Variants in ANAPC10 observed in about 807,000 individuals in gnomAD.
ANAPC10 encodes anaphase promoting complex subunit 10.
Under a neutral mutation model 22.0 loss-of-function variants are expected in ANAPC10, and 12 were observed. The ratio of observed to expected loss-of-function variants is 0.55; its 90% CI spans 0.35 to 0.88. ANAPC10 has a LOEUF of 0.88. Ranked by LOEUF, ANAPC10 falls within the 40% of genes least tolerant of loss-of-function variation. The probability of loss-of-function intolerance (pLI) is 0.01; values close to 1 mark genes in which losing one functional copy is unlikely to be tolerated. For synonymous variants in ANAPC10, 65 were observed against 69.5 expected, an observed-to-expected ratio of 0.94 and a Z score of 0.32; for missense variants, 188 against 220.9, an observed-to-expected ratio of 0.85 and a Z score of 0.94.
At chr4:145,002,103 A>G (rs1732665360) in intron 4 of ANAPC10, among the ~76,000 whole-genome samples, 1 of 152,188 alleles carries the variant, frequency 6.6e-6, no homozygotes, top group Non-Finnish European at 1.5e-5. Context: ...TCTGTGACTT[A>G]ATGAAATTCT....
intron 4 of ANAPC10, among the ~76,000 whole-genome samples, chr4:145,009,874 A>C (rs1174609437): frequency 6.6e-6 from 1 of 152,202 alleles, no homozygotes; most frequent in Non-Finnish European, 1.5e-5. Context: ...CTACCATCAG[A>C]GTGAAAAGGC....
intron 4 of ANAPC10, among the ~76,000 whole-genome samples, chr4:145,054,604 A>AGTGTGTGT (rs70956823): frequency 5.5e-4 from 70 of 128,320 alleles, no homozygotes; most frequent in African/African-American, 2.0e-3. Flanking sequence ...CATACTGAAT[A>AGTGTGTGT]GTGTGTGTGT....
At chr4:145,034,829 A>G (rs1413224002) in intron 4 of ANAPC10, among the ~76,000 whole-genome samples, 2 of 151,902 alleles carry the variant, frequency 1.3e-5, no homozygotes, top group East Asian at 3.9e-4. Flanking sequence ...AGATGACTCA[A>G]CGTCTCCCAG....
intron 2 of ANAPC10, among the ~76,000 whole-genome samples, chr4:145,089,048 C>T (rs1371593229): frequency 1.3e-5 from 2 of 152,196 alleles, no homozygotes; most frequent in East Asian, 3.8e-4. Context: ...ATTCATGTCT[C>T]TGTGCAAATT....
intron 4 of ANAPC10, among the ~76,000 whole-genome samples, chr4:145,015,441 T>C (rs528377835): frequency 1.3e-5 from 2 of 151,656 alleles, no homozygotes; most frequent in Admixed American, 6.6e-5. Flanking sequence ...TCCAGGATTA[T>C]GTGAAACAAC....
chr4:145,096,570 G>A (rs1490459382), intron 1 of ANAPC10, among the ~76,000 whole-genome samples: 1 of 152,136 alleles, frequency 6.6e-6, no homozygotes, highest in Non-Finnish European at 1.5e-5. Flanking sequence ...TGTTAAAGAG[G>A]TTCACTTGAT....
chr4:145,019,118 A>G (rs1451958400), intron 4 of ANAPC10, among the ~76,000 whole-genome samples: 1 of 152,200 alleles, frequency 6.6e-6, no homozygotes, highest in Non-Finnish European at 1.5e-5. Context: ...TATATACAGA[A>G]CATTCCATCC....
intron 2 of ANAPC10, among the ~76,000 whole-genome samples, chr4:145,090,213 A>G (rs926422684): frequency 1.1e-4 from 16 of 152,312 alleles, no homozygotes; most frequent in Middle Eastern, 6.8e-3. Flanking sequence ...TATACTTCAA[A>G]TCATCTCTAG....
intron 3 of ANAPC10, among the ~76,000 whole-genome samples, chr4:145,076,482 T>C (rs529589336): frequency 1.3e-4 from 20 of 152,300 alleles, no homozygotes; most frequent in African/African-American, 4.8e-4. Flanking sequence ...AAGGAACATT[T>C]TCCCACACAG....
chr4:145,044,037 T>C (rs1245911491), intron 4 of ANAPC10, among the ~76,000 whole-genome samples: 2 of 152,034 alleles, frequency 1.3e-5, no homozygotes, highest in Non-Finnish European at 2.9e-5. Flanking sequence ...TCTTTCTCTC[T>C]TTCTATGTTT....
At chr4:145,017,096 G>A (rs548003062) in intron 4 of ANAPC10, among the ~76,000 whole-genome samples, 230 of 152,190 alleles carry the variant, frequency 1.5e-3, no homozygotes, top group African/African-American at 5.3e-3. Context: ...AAAAGCAATC[G>A]CAACAAAAGC....
chr4:145,019,116 G>A (rs556986482), intron 4 of ANAPC10, among the ~76,000 whole-genome samples: 3 of 152,114 alleles, frequency 2.0e-5, no homozygotes, highest in South Asian at 2.1e-4. Flanking sequence ...GCTATATACA[G>A]AACATTCCAT....
intron 4 of ANAPC10, among the ~76,000 whole-genome samples, chr4:145,054,159 G>A (rs185135396): frequency 4.0e-5 from 6 of 151,354 alleles, no homozygotes; most frequent in African/African-American, 1.5e-4. Flanking sequence ...TGCCCGCTGC[G>A]GCCTCCCAAA....
chr4:145,025,787 T>C (rs1439180840), intron 4 of ANAPC10, among the ~76,000 whole-genome samples: 1 of 152,108 alleles, frequency 6.6e-6, no homozygotes, highest in Non-Finnish European at 1.5e-5. Context: ...CCACAAATCT[T>C]CGATTTGTAA....
chr4:145,024,287 C>T lies in ANAPC10; in HGVS notation c.328-28684G>A, dbSNP rs1192475562. ...CTTCTTCCAAACTCTTGTTAATGTT[C>T]GTATTTTGACCTTCTCACATGAATC... On this transcript the variant is annotated intron_variant, in intron 4 of 4. Transcript: ENST00000507656. 4.6e-5 allele frequency among the ~76,000 whole-genome samples: 7 copies of T among 152,286 alleles called. No individual in the cohort carries two copies. The East Asian group carries it at 7.7e-4, about 17-fold the overall frequency.
intron 4 of ANAPC10, among the ~76,000 whole-genome samples, chr4:145,030,729 G>C (rs758084456): frequency 1.6e-4 from 24 of 152,176 alleles, no homozygotes; most frequent in Admixed American, 1.3e-4. Flanking sequence ...AACTATCATG[G>C]TGGGAAAGGC....
chr4:145,065,530 T>C (rs552424072), intron 3 of ANAPC10, among the ~76,000 whole-genome samples: 2 of 151,902 alleles, frequency 1.3e-5, no homozygotes, highest in Admixed American at 1.3e-4. Context: ...AGTAACACAA[T>C]CACTCAAAAA....
intron 2 of ANAPC10, among the ~76,000 whole-genome samples, chr4:145,088,079 T>C (rs749226072): frequency 1.3e-5 from 2 of 152,012 alleles, no homozygotes; most frequent in Admixed American, 6.5e-5. Flanking sequence ...AATGAAGAAT[T>C]AACTAACTTC....
At chr4:144,999,590 A>G (rs905991625) in intron 4 of ANAPC10, among the ~76,000 whole-genome samples, 2 of 152,196 alleles carry the variant, frequency 1.3e-5, no homozygotes, top group Admixed American at 1.3e-4. Context: ...ATGCTCATGG[A>G]TAGGAAGAAT....
Sources: gnomAD v4.1 joint callset for allele counts (sites outside exome capture counted in the v4.1 genomes callset) on GRCh38, gnomAD v4.1.1 for gene constraint, MANE v1.5 for transcripts, NCBI Gene and HGNC (gene_info 2026-07-23, HGNC 2026-07-21) for gene names.